Variants in CCDC136 observed in about 807,000 individuals in gnomAD.
The protein encoded by CCDC136 is coiled-coil domain containing 136, also known as coiled-coil domain-containing protein 136.
In CCDC136, 100 loss-of-function variants were observed where a neutral mutation model predicts 141.2. The ratio of observed to expected loss-of-function variants is 0.71; its 90% CI spans 0.60 to 0.84. The LOEUF is 0.84. Ranked by LOEUF, CCDC136 falls within the 40% of genes least tolerant of loss-of-function variation. CCDC136 has a pLI of 0.00. For synonymous variants in CCDC136, 474 were observed against 531.9 expected (o/e 0.89, Z 1.50); for missense variants, 1,206 against 1,379.4 (o/e 0.87, Z 1.99).
Position 128,809,531 on chromosome 7 carries a change from G to C in CCDC136, c.1687G>C (p.Glu563Gln). The C allele has an allele frequency of 1.3e-6, 2 of 1,557,308 alleles. No individual in the cohort carries two copies. The highest frequency in any genetic ancestry group is 1.7e-6 in the Non-Finnish European group (2 of 1,151,092). ...GAAGGAGATGGGGCAGCTGCAGATG[G>C]AGCAGTGTGAGCTCCTGGAGGATCA... ...SQKEMGQLQM[E>Q]QCELLEDQRR... Residue 563 changes from glutamate to glutamine, a missense_variant, in exon 11 of 18, where the codon GAG becomes CAG. Transcript: ENST00000297788.
Position 128,821,955 on chromosome 7 carries a change from C to A in CCDC136, c.*162C>A. ...GAGGGCAGATCCCCAGTGGCCACCA[C>A]CCTCAGCTTTGGGCAGGACACACTG... is the stretch of plus-strand genomic sequence containing the variant. On this transcript the variant is annotated 3_prime_UTR_variant, in exon 18 of 18. Coordinates refer to ENST00000297788, the MANE Select transcript of CCDC136 (RefSeq NM_022742.5). This position sits in a 1 kb window ranked among gnomAD's most constrained non-coding sequence, Gnocchi z 5.1. 1 of 1,289,128 alleles carries A rather than the reference C, an allele frequency of 7.8e-7. No individual in the cohort carries two copies. Among genetic ancestry groups the A allele is most frequent in the South Asian group, 1.2e-5 (1 of 80,972 alleles). 79.9% of individuals were successfully genotyped at this position (1,289,128 alleles called of 1,614,324 possible). A position where few individuals can be genotyped will look rare whatever the true frequency, so the allele number is the denominator to read the frequency against.
chr7:128,809,813 GT>G (rs1436463310), intron 11 of CCDC136, among the ~76,000 whole-genome samples, 169 bp downstream of exon 11: 2 of 152,170 alleles, frequency 1.3e-5, no homozygotes, highest in Non-Finnish European at 2.9e-5. Flanking sequence ...GCCAATTAGA[GT>G]TTTTCTTATA....
chr7:128,812,579 A>G (rs948116615), intron 13 of CCDC136, 129 bp from the exon 14 acceptor site: 2 of 756,016 alleles, frequency 2.6e-6, no homozygotes, highest in African/African-American at 3.5e-5. Context: ...GGGGGTAAAT[A>G]TAGTAATCCC....
chr7:128,810,209 A>G lies in CCDC136; in HGVS notation c.1871A>G (p.Glu624Gly). The G allele has an allele frequency of 6.2e-7, 1 of 1,611,298 alleles. No homozygotes were observed. The highest frequency in any genetic ancestry group is 8.5e-7 in the Non-Finnish European group (1 of 1,178,662). Residue 624 changes from glutamate (E) to glycine (G), a missense_variant, in exon 12 of 18, where the codon GAA becomes GGA. Transcript: ENST00000297788. ...CTGCTCTACCAAGGCATGCAGGAGGAACAGAAGAAGCTGATACAGAACCAA... is the reference window on the plus strand; with the variant it reads ...CTGCTCTACCAAGGCATGCAGGAGGGACAGAAGAAGCTGATACAGAACCAA... Reference protein sequence around the residue: ...LQLLYQGMQEEQKKLIQNQDC... With the variant: ...LQLLYQGMQEGQKKLIQNQDC...
In CCDC136 at chr7:128,812,902, C is replaced by T. The variant is rs1415751545; in HGVS notation, c.2736C>T (p.Pro912=). The T allele has an allele frequency of 6.2e-7, 1 of 1,609,830 alleles. No homozygotes were observed. Among genetic ancestry groups the T allele is most frequent in the Non-Finnish European group, 8.5e-7 (1 of 1,178,120 alleles). Residue 912 remains proline, a synonymous_variant, in exon 14 of 18, where the codon CCC becomes CCT. Transcript: ENST00000297788. The part of the protein sequence containing the change: ...FKECMECLEK[P]MAPQNDKNEI... ...AGTGCATGGAATGCCTTGAAAAGCC[C>T]ATGGCCCCCCAGAACGACAAGAATG... is the stretch of plus-strand genomic sequence containing the variant.
intron 9 of CCDC136, 150 bp from the exon 10 acceptor site, chr7:128,807,210 G>A (rs1189321155): frequency 1.4e-5 from 6 of 434,724 alleles, no homozygotes; most frequent in African/African-American, 2.0e-5. Flanking sequence ...TGTCAGGGAC[G>A]GGTCCATCTT....
chr7:128,807,538 C>A lies in CCDC136; in HGVS notation c.1598C>A (p.Ala533Asp). The change falls in exon 10 of 18, where the codon GCT becomes GAT. Residue 533 changes from alanine (A) to aspartate (D), a missense_variant. Transcript: ENST00000297788. ...ATTCCGGAGGACAAAGGAAAGTGTG[C>A]TAATAAGGTAATTGTCGTTCAGAGA... ...HPIPEDKGKC[A>D]NKCDTLLSRL... 3 of 1,441,444 alleles carry A rather than the reference C, an allele frequency of 2.1e-6. No homozygotes were observed. The highest frequency in any genetic ancestry group is 9.2e-7 in the Non-Finnish European group (1 of 1,085,652). 89.3% of individuals were successfully genotyped at this position (1,441,444 alleles called of 1,614,324 possible).
rs78027342 is a variant in CCDC136, at chr7:128,818,703, G to T, written c.*5+839G>T. ...ATATATTCTGGCCACTTTCCTGTCA[G>T]CTCCCACACATGTAATGTACACTGT... On this transcript the variant is annotated intron_variant, in intron 17 of 17. Transcript: ENST00000297788. Among the ~76,000 whole-genome samples, 1,110 of 152,254 alleles carry T rather than the reference G, an allele frequency of 7.3e-3. 8 individuals are homozygous for T. The highest frequency in any genetic ancestry group is 0.031 in the South Asian group (149 of 4,814).
chr7:128,811,565 A>G (rs1805716441), intron 12 of CCDC136, among the ~76,000 whole-genome samples: 1 of 152,218 alleles, frequency 6.6e-6, no homozygotes, highest in Non-Finnish European at 1.5e-5. Flanking sequence ...AACCAGCCGA[A>G]ATGGGAGCCC....
intron 14 of CCDC136, among the ~76,000 whole-genome samples, chr7:128,813,608 C>G (rs1299402457): frequency 2.0e-5 from 3 of 152,182 alleles, no homozygotes; most frequent in Non-Finnish European, 4.4e-5. Flanking sequence ...CCAGTACACA[C>G]TTCAGGAGTG....
In CCDC136 at chr7:128,800,672, A is replaced by T. The variant is rs185874558; in HGVS notation, c.347-514A>T. ...TGTTTGGTTATTATGCAGTGAACTTATATTTGAATTTGAGTTGTGAACTCT... is the reference window on the plus strand; with the variant it reads ...TGTTTGGTTATTATGCAGTGAACTTTTATTTGAATTTGAGTTGTGAACTCT... On this transcript the variant is annotated intron_variant, in intron 3 of 17. Transcript: ENST00000297788. 1.0e-3 allele frequency among the ~76,000 whole-genome samples: 159 copies of T among 152,318 alleles called. 1 individual carries two copies. Among genetic ancestry groups the T allele is most frequent in the Admixed American group, 3.7e-3 (56 of 15,296 alleles).
chr7:128,821,682 A>G lies in CCDC136; in HGVS notation c.*6-117A>G. 1 of 718,940 alleles carries G rather than the reference A, an allele frequency of 1.4e-6. No individual in the cohort carries two copies. Among genetic ancestry groups the G allele is most frequent in the Admixed American group, 2.5e-5 (1 of 39,514 alleles). 44.5% of individuals were successfully genotyped at this position (718,940 alleles called of 1,614,324 possible). A position where few individuals can be genotyped will look rare whatever the true frequency, so the allele number is the denominator to read the frequency against. ...ACCTCCACCGGTTACCCAGGAGGTA[A>G]CAGAGACTGATCCACAATGTTCCTG... On this transcript the variant is annotated intron_variant, in intron 17 of 17. Coordinates refer to ENST00000297788, the MANE Select transcript of CCDC136 (RefSeq NM_022742.5). This position sits in a 1 kb window ranked among gnomAD's most constrained non-coding sequence, Gnocchi z 5.1.
At position 128,805,688 on chromosome 7, in the gene CCDC136, T is replaced by C; in HGVS notation, c.949-73T>C. 1.9e-6 allele frequency: 3 copies of C among 1,591,166 alleles called. No homozygotes were observed. Among genetic ancestry groups the C allele is most frequent in the Admixed American group, 1.7e-5 (1 of 58,298 alleles). On this transcript the variant is annotated intron_variant, in intron 6 of 17. Transcript: ENST00000297788. This position sits in a 1 kb window ranked among gnomAD's most constrained non-coding sequence, Gnocchi z 4.6. ...TCTTCCAGTCAAAGAGCGCCATGCT[T>C]TCCCCAAGCTTGTTCTTGGAGCATA...
rs887612867 is a variant in CCDC136, at chr7:128,806,832, G to C, written c.1393G>C (p.Ala465Pro). The C allele has an allele frequency of 5.0e-6, 8 of 1,611,390 alleles. No homozygotes were observed. The highest frequency in any genetic ancestry group is 6.8e-6 in the Non-Finnish European group (8 of 1,178,876). ...GCTGCAGCACCTCAGGGATACGGTG[G>C]CCTCCTTCAAAGAGAGCAATGAGAA... ...AELQHLRDTV[A>P]SFKESNEKDT... The change falls in exon 9 of 18, where the codon GCC becomes CCC. Residue 465 changes from alanine to proline, a missense_variant. By Grantham distance (27) the Ala-to-Pro change is conservative. Coordinates refer to ENST00000297788, the MANE Select transcript of CCDC136 (RefSeq NM_022742.5).
intron 8 of CCDC136, 26 bp downstream of exon 8, chr7:128,806,421 C>A: frequency 6.3e-7 from 1 of 1,580,524 alleles, no homozygotes; most frequent in South Asian, 1.2e-5. Context: ...GGTGAGGGGA[C>A]AACTTAGGTG....
intron 17 of CCDC136, among the ~76,000 whole-genome samples, chr7:128,820,429 C>T (rs1406731546): frequency 6.6e-6 from 1 of 152,218 alleles, no homozygotes; most frequent in Non-Finnish European, 1.5e-5. Context: ...AGCCCTTTCC[C>T]CATCCCATGT....
chr7:128,820,893 G>A (rs922584693), intron 17 of CCDC136, among the ~76,000 whole-genome samples: 2 of 152,136 alleles, frequency 1.3e-5, no homozygotes, highest in African/African-American at 4.8e-5. Context: ...TATCATCTGA[G>A]AAAATGTGTT....
Position 128,806,190 on chromosome 7 carries a change from GC to G in CCDC136, c.1090-46del. 1.4e-6 allele frequency: 2 copies of G among 1,475,106 alleles called. 1 individual carries two copies. The highest frequency in any genetic ancestry group is 2.7e-5 in the South Asian group (2 of 75,062). 91.4% of individuals were successfully genotyped at this position (1,475,106 alleles called of 1,614,324 possible). A position where few individuals can be genotyped will look rare whatever the true frequency, so the allele number is the denominator to read the frequency against. ...ACCCAACTGATCCGTAGAAAGACCTGCTGTTTCTTGAGAGTAACTGTTCTAC... is the reference window on the plus strand; with the variant it reads ...ACCCAACTGATCCGTAGAAAGACCTGTGTTTCTTGAGAGTAACTGTTCTAC... On this transcript the variant is annotated intron_variant, in intron 7 of 17. Transcript: ENST00000297788.
chr7:128,809,529 T>C lies in CCDC136; in HGVS notation c.1685T>C (p.Met562Thr), dbSNP rs1381600729. 2 of 1,555,172 alleles carry C rather than the reference T, an allele frequency of 1.3e-6. No individual in the cohort carries two copies. Among genetic ancestry groups the C allele is most frequent in the Non-Finnish European group, 1.7e-6 (2 of 1,150,306 alleles). The change falls in exon 11 of 18, where the codon ATG becomes ACG. Residue 562 changes from methionine (M) to threonine (T), a missense_variant. By Grantham distance (81) the Met-to-Thr change is moderately conservative. Coordinates refer to ENST00000297788, the MANE Select transcript of CCDC136 (RefSeq NM_022742.5). Reference protein sequence around the residue: ...ASQKEMGQLQMEQCELLEDQR... With the variant: ...ASQKEMGQLQTEQCELLEDQR... The stretch of plus-strand genomic sequence containing the variant: ...CAGAAGGAGATGGGGCAGCTGCAGA[T>C]GGAGCAGTGTGAGCTCCTGGAGGAT...
Sources: gnomAD v4.1 joint callset for allele counts (sites outside exome capture counted in the v4.1 genomes callset) on GRCh38, gnomAD v4.1.1 for gene constraint, Gnocchi (gnomAD v3.1) non-coding constraint, MANE v1.5 for transcripts, NCBI Gene and HGNC (gene_info 2026-07-23, HGNC 2026-07-21) for gene names.